GALNTL6: variants seen among roughly 807,000 people sequenced by gnomAD.
GALNTL6 encodes the protein polypeptide N-acetylgalactosaminyltransferase-like 6.
In GALNTL6, 46 loss-of-function variants were observed where a neutral mutation model predicts 73.7. The ratio of observed to expected loss-of-function variants is 0.62; its 90% CI spans 0.49 to 0.80. The LOEUF (loss-of-function observed/expected upper bound fraction) is 0.80, where lower values mean the gene tolerates loss of function less well. Among genes scored for constraint, GALNTL6 ranks in the 30% least tolerant of loss-of-function variants. GALNTL6 has a pLI of 0.00. For synonymous variants in GALNTL6, 259 were observed against 263.7 expected, an observed-to-expected ratio of 0.98 and a Z score of 0.17; for missense variants, 604 against 755.0, an observed-to-expected ratio of 0.80 and a Z score of 2.34.
chr4:172,200,692 A>G (rs1735924004), intron 2 of GALNTL6, among the ~76,000 whole-genome samples: 1 of 152,216 alleles, frequency 6.6e-6, no homozygotes, highest in Non-Finnish European at 1.5e-5. Flanking sequence ...ATGTGTGACA[A>G]CATCTACCTT....
intron 7 of GALNTL6, among the ~76,000 whole-genome samples, chr4:172,867,928 A>G (rs1289964041): frequency 3.3e-5 from 5 of 152,266 alleles, no homozygotes; most frequent in Admixed American, 1.3e-4. Context: ...AGTGCTTAAC[A>G]TAAATTGATG....
chr4:172,541,475 G>A (rs1451809083), intron 5 of GALNTL6, among the ~76,000 whole-genome samples: 2 of 152,036 alleles, frequency 1.3e-5, no homozygotes, highest in East Asian at 1.9e-4. Context: ...ATTCAACTAG[G>A]GCATAAGACA....
intron 5 of GALNTL6, among the ~76,000 whole-genome samples, chr4:172,733,769 A>G (rs1348711747): frequency 6.6e-6 from 1 of 152,110 alleles, no homozygotes; most frequent in African/African-American, 2.4e-5. Context: ...GATTTCAAAA[A>G]CTTCTTTTTC....
At chr4:172,431,427 T>C (rs1469417523) in intron 5 of GALNTL6, among the ~76,000 whole-genome samples, 1 of 152,172 alleles carries the variant, frequency 6.6e-6, no homozygotes, top group East Asian at 1.9e-4. Context: ...ATCTTTATGG[T>C]TTCACAAAAT....
chr4:171,887,308 G>A (rs1354991953), intron 2 of GALNTL6, among the ~76,000 whole-genome samples: 1 of 152,140 alleles, frequency 6.6e-6, no homozygotes, highest in Admixed American at 6.5e-5. Context: ...AACCATAGCA[G>A]TTGGGATACG....
intron 2 of GALNTL6, among the ~76,000 whole-genome samples, chr4:172,214,222 G>A (rs1736420947): frequency 6.6e-6 from 1 of 152,120 alleles, no homozygotes; most frequent in Non-Finnish European, 1.5e-5. Context: ...TGGAAATTGG[G>A]TAGTTTGAGT....
At chr4:172,138,486 T>C (rs1560938193) in intron 2 of GALNTL6, among the ~76,000 whole-genome samples, 24 of 5,504 alleles carry the variant, frequency 4.4e-3, no homozygotes, top group African/African-American at 0.011. Context: ...CCTATATATA[T>C]ATATATATAT....
chr4:172,125,968 C>A (rs878863018), intron 2 of GALNTL6, among the ~76,000 whole-genome samples: 2 of 151,926 alleles, frequency 1.3e-5, no homozygotes, highest in African/African-American at 2.4e-5. Flanking sequence ...TTTCTCTTAT[C>A]AAAAACATCT....
At chr4:172,427,552 A>G (rs1474482636) in intron 5 of GALNTL6, among the ~76,000 whole-genome samples, 1 of 152,172 alleles carries the variant, frequency 6.6e-6, no homozygotes, top group Non-Finnish European at 1.5e-5. Flanking sequence ...CCAGATGTTT[A>G]TGTGTCAGAC....
At chr4:171,849,663 T>C (rs1487909466) in intron 2 of GALNTL6, among the ~76,000 whole-genome samples, 1 of 152,182 alleles carries the variant, frequency 6.6e-6, no homozygotes, top group Non-Finnish European at 1.5e-5. Flanking sequence ...AATTTATTTA[T>C]CTGTATACCT....
intron 3 of GALNTL6, among the ~76,000 whole-genome samples, chr4:172,302,156 G>A (rs1425899264): frequency 6.6e-6 from 1 of 152,176 alleles, no homozygotes; most frequent in East Asian, 1.9e-4. Flanking sequence ...GTGGGCGTAG[G>A]ACCCTCCGAG....
At chr4:172,377,648 T>C (rs893674963) in intron 5 of GALNTL6, among the ~76,000 whole-genome samples, 1 of 152,050 alleles carries the variant, frequency 6.6e-6, no homozygotes, top group African/African-American at 2.4e-5. Flanking sequence ...GGGAGCTCGG[T>C]CATGGTGGGC....
intron 2 of GALNTL6, among the ~76,000 whole-genome samples, chr4:171,921,580 CAATTGTATTCTAGGGA>C (rs1486765371): frequency 1.3e-5 from 2 of 152,072 alleles, no homozygotes; most frequent in Admixed American, 6.5e-5. Context: ...ATTGTATCTT[CAATTGTATTCTAGGGA>C]AAAGCTGCAG....
intron 2 of GALNTL6, among the ~76,000 whole-genome samples, chr4:171,920,265 A>G (rs925264302): frequency 1.2e-4 from 18 of 152,166 alleles, no homozygotes; most frequent in Middle Eastern, 3.4e-3. Context: ...GCATTAGGAG[A>G]TATACCTAAT....
intron 5 of GALNTL6, among the ~76,000 whole-genome samples, chr4:172,600,220 G>C (rs1199966687): frequency 2.0e-4 from 30 of 151,848 alleles, no homozygotes; most frequent in Admixed American, 2.0e-3. Context: ...CACCATATTT[G>C]CCTTCCTGCC....
At chr4:172,311,862 T>A in intron 4 of GALNTL6, 110 bp downstream of exon 4, 1 of 740,870 alleles carries the variant, frequency 1.3e-6, no homozygotes. Context: ...TATTTTATCC[T>A]AATAATTTTG....
intron 2 of GALNTL6, among the ~76,000 whole-genome samples, chr4:171,969,459 T>A (rs1045942040): frequency 2.0e-5 from 3 of 152,230 alleles, no homozygotes; most frequent in Non-Finnish European, 4.4e-5. Flanking sequence ...TTAATGCTAG[T>A]TAGTTGTAGG....
At chr4:172,542,375 A>G (rs925530892) in intron 5 of GALNTL6, among the ~76,000 whole-genome samples, 1 of 152,084 alleles carries the variant, frequency 6.6e-6, no homozygotes, top group African/African-American at 2.4e-5. Flanking sequence ...GCAAGCTCCC[A>G]GCTTGCTTGT....
chr4:172,037,850 G>T (rs1190120549), intron 2 of GALNTL6, among the ~76,000 whole-genome samples: 2 of 152,176 alleles, frequency 1.3e-5, no homozygotes, highest in African/African-American at 4.8e-5. Context: ...GGGAGCGTTG[G>T]CTCATGCCTG....
Sources: allele counts gnomAD v4.1 joint callset (sites outside exome capture counted in the v4.1 genomes callset), GRCh38; gene constraint gnomAD v4.1.1; transcripts MANE v1.5; gene names NCBI Gene and HGNC (gene_info 2026-07-23, HGNC 2026-07-21).